The following XXYLT1 variants were observed in gnomAD, a reference collection of about 807,000 sequenced individuals.
XXYLT1 encodes the protein UDP-xylose:alpha-xyloside alpha-1,3-xylosyltransferase.
XXYLT1 carries 20 observed loss-of-function variants against 28.9 expected under a neutral mutation model. The ratio of observed to expected loss-of-function variants is 0.69; its 90% CI spans 0.49 to 1.00. XXYLT1 has a LOEUF of 1.00. Ranked by LOEUF, XXYLT1 falls within the 50% of genes least tolerant of loss-of-function variation. XXYLT1 has a pLI of 0.00. For synonymous variants in XXYLT1, 257 were observed against 253.8 expected, an observed-to-expected ratio of 1.01 and a Z score of -0.12; for missense variants, 542 against 560.1, an observed-to-expected ratio of 0.97 and a Z score of 0.33.
At chr3:195,130,861 C>T (rs180864466) in intron 3 of XXYLT1, among the ~76,000 whole-genome samples, 17 of 152,276 alleles carry the variant, frequency 1.1e-4, no homozygotes, top group Admixed American at 5.9e-4. Flanking sequence ...GAGGCCAGAT[C>T]GGAAGAGGTC....
At chr3:195,142,307 T>G (rs78440250) in intron 3 of XXYLT1, among the ~76,000 whole-genome samples, 1 of 152,236 alleles carries the variant, frequency 6.6e-6, no homozygotes, top group African/African-American at 2.4e-5. Context: ...ATGTTTATCT[T>G]TACTTACTAT....
intron 3 of XXYLT1, among the ~76,000 whole-genome samples, chr3:195,143,829 TAGATATAG>T (rs1719650406): frequency 7.5e-5 from 7 of 93,708 alleles, no homozygotes; most frequent in African/African-American, 2.6e-4. Context: ...TAGATATATA[TAGATATAG>T]ATATAGATAT....
rs181112744 is a variant in XXYLT1 at position 195,187,167 on chromosome 3, G to C, written c.653-30586C>G. Among the ~76,000 whole-genome samples the C allele has an allele frequency of 2.6e-5, 4 of 151,054 alleles. No individual in the cohort carries two copies. In the East Asian group the frequency reaches 8.0e-4, roughly 30 times the overall value. On this transcript the variant is annotated intron_variant, in intron 2 of 3. Transcript: ENST00000310380. Reference sequence around the variant, plus strand: ...GCAGGAGAATGACTTGAACCCGGGAGACGGAGCTTGCAGTGAGCAGAGATC... The same window carrying C: ...GCAGGAGAATGACTTGAACCCGGGACACGGAGCTTGCAGTGAGCAGAGATC...
At chr3:195,143,787 TATATATATATATAG>T in intron 3 of XXYLT1, among the ~76,000 whole-genome samples, 1 of 121,478 alleles carries the variant, frequency 8.2e-6, no homozygotes, top group African/African-American at 3.2e-5. Flanking sequence ...TCTCTCATTA[TATATATATATATAG>T]ATAGATATAT....
At chr3:195,149,269 T>C (rs1173059350) in intron 3 of XXYLT1, among the ~76,000 whole-genome samples, 1 of 152,212 alleles carries the variant, frequency 6.6e-6, no homozygotes, top group Non-Finnish European at 1.5e-5. Context: ...ATAACCTCCA[T>C]ATGCTATTCA....
At chr3:195,259,590 A>T (rs1725607084) in intron 1 of XXYLT1, 1 of 985,334 alleles carries the variant, frequency 1.0e-6, no homozygotes. Context: ...AGGCCTGGGA[A>T]GCCCTCATCT....
chr3:195,079,213 GAGA>G (rs1715291911), intron 3 of XXYLT1, among the ~76,000 whole-genome samples: 1 of 152,176 alleles, frequency 6.6e-6, no homozygotes, highest in Admixed American at 6.5e-5. Flanking sequence ...AGTGACCTTG[GAGA>G]AGGAGAGGGA....
intron 1 of XXYLT1, among the ~76,000 whole-genome samples, chr3:195,239,859 C>A (rs890239760): frequency 1.3e-5 from 2 of 152,212 alleles, no homozygotes; most frequent in Admixed American, 6.5e-5. Context: ...CCACAAGAAC[C>A]CATGTTCGTA....
At chr3:195,099,311 C>T (rs1457982864) in intron 3 of XXYLT1, among the ~76,000 whole-genome samples, 1 of 152,196 alleles carries the variant, frequency 6.6e-6, no homozygotes, top group Admixed American at 6.5e-5. Flanking sequence ...GCTGGACAGC[C>T]ATGATCTGTG....
intron 3 of XXYLT1, among the ~76,000 whole-genome samples, chr3:195,099,433 G>C (rs1716641601): frequency 6.6e-6 from 1 of 152,124 alleles, no homozygotes; most frequent in Non-Finnish European, 1.5e-5. Flanking sequence ...CCTGGACGCA[G>C]TCAAGTCAGC....
intron 1 of XXYLT1, among the ~76,000 whole-genome samples, chr3:195,260,256 C>T (rs1373941521): frequency 7.9e-5 from 12 of 150,952 alleles, no homozygotes; most frequent in Non-Finnish European, 1.2e-4. Context: ...GTGTCGGCCC[C>T]GGGCGGGGGA....
At chr3:195,070,836 G>C (rs1714762914) in intron 3 of XXYLT1, among the ~76,000 whole-genome samples, 1 of 151,568 alleles carries the variant, frequency 6.6e-6, no homozygotes, top group Non-Finnish European at 1.5e-5. Context: ...GACAGCTGTA[G>C]AAGAGCCATG....
At chr3:195,200,324 C>G (rs780746123) in intron 2 of XXYLT1, among the ~76,000 whole-genome samples, 3 of 152,236 alleles carry the variant, frequency 2.0e-5, no homozygotes, top group Non-Finnish European at 2.9e-5. Flanking sequence ...GTTACTTGAG[C>G]TGCTTCTTTA....
chr3:195,135,413 A>G (rs569394444), intron 3 of XXYLT1, among the ~76,000 whole-genome samples: 1 of 152,314 alleles, frequency 6.6e-6, no homozygotes, highest in East Asian at 1.9e-4. Flanking sequence ...AGAGTCAGTC[A>G]GCAGGGGCAG....
intron 2 of XXYLT1, among the ~76,000 whole-genome samples, chr3:195,167,614 C>A (rs1416496476): frequency 6.6e-6 from 1 of 152,108 alleles, no homozygotes; most frequent in African/African-American, 2.4e-5. Context: ...ATAGCTATGT[C>A]AATTGCCAAA....
At chr3:195,212,495 C>T (rs549028161) in intron 2 of XXYLT1, among the ~76,000 whole-genome samples, 3 of 152,298 alleles carry the variant, frequency 2.0e-5, no homozygotes, top group African/African-American at 7.2e-5. Context: ...CCCCAAGCCC[C>T]ATGCGAACAG....
chr3:195,213,486 AC>A (rs1723423744), intron 2 of XXYLT1, among the ~76,000 whole-genome samples: 1 of 150,064 alleles, frequency 6.7e-6, no homozygotes, highest in African/African-American at 2.5e-5. Context: ...CTAGTCTCAA[AC>A]TCCCAACCTC....
At chr3:195,212,270 G>A (rs1387961282) in intron 2 of XXYLT1, among the ~76,000 whole-genome samples, 2 of 152,246 alleles carry the variant, frequency 1.3e-5, no homozygotes, top group Non-Finnish European at 2.9e-5. Flanking sequence ...AGCCAGGGCT[G>A]CTGGATCCGA....
intron 2 of XXYLT1, among the ~76,000 whole-genome samples, chr3:195,183,829 A>T (rs1463336534): frequency 6.6e-6 from 1 of 152,194 alleles, no homozygotes; most frequent in Non-Finnish European, 1.5e-5. Context: ...CAACAGTCCA[A>T]GACTAGAAGG....
Sources: allele counts gnomAD v4.1 joint callset (sites outside exome capture counted in the v4.1 genomes callset), GRCh38; gene constraint gnomAD v4.1.1; transcripts MANE v1.5; gene names NCBI Gene and HGNC (gene_info 2026-07-23, HGNC 2026-07-21).